COP1: variants seen among roughly 807,000 people sequenced by gnomAD.
The protein encoded by COP1 is E3 ubiquitin-protein ligase COP1.
In COP1, 24 loss-of-function variants were observed where a neutral mutation model predicts 101.3. The observed-to-expected ratio is 0.24, with a 90% CI of 0.17 to 0.33. The LOEUF is 0.33. COP1 is among the 10% of genes least tolerant of loss of function. COP1 has a pLI of 1.00. For synonymous variants in COP1, 347 were observed against 341.9 expected, an observed-to-expected ratio of 1.01 and a Z score of -0.17; for missense variants, 663 against 906.2, an observed-to-expected ratio of 0.73 and a Z score of 3.45.
chr1:176,166,449 C>T (rs1017491585), intron 3 of COP1, among the ~76,000 whole-genome samples: 1 of 151,926 alleles, frequency 6.6e-6, no homozygotes, highest in African/African-American at 2.4e-5. Flanking sequence ...CTGTAAAGGC[C>T]ACAAAATTAA....
chr1:176,046,056 A>T, intron 12 of COP1, 125 bp downstream of exon 12: 1 of 725,984 alleles, frequency 1.4e-6, no homozygotes, highest in Non-Finnish European at 2.3e-6. Context: ...CTCTGTATAC[A>T]TAGTACAATA....
At chr1:176,194,501 GGT>G (rs1252678226) in intron 1 of COP1, among the ~76,000 whole-genome samples, 1 of 152,064 alleles carries the variant, frequency 6.6e-6, no homozygotes, top group Non-Finnish European at 1.5e-5. Context: ...AGCTGGGCAT[GGT>G]GGCATGAGCC....
At chr1:176,115,918 C>CTGTG (rs1686110150) in intron 9 of COP1, among the ~76,000 whole-genome samples, 1 of 152,112 alleles carries the variant, frequency 6.6e-6, no homozygotes, top group Non-Finnish European at 1.5e-5. Context: ...TTACTCAAGA[C>CTGTG]TGTGGTCTTT....
chr1:176,151,531 T>A (rs570400911), intron 5 of COP1, among the ~76,000 whole-genome samples: 1 of 152,232 alleles, frequency 6.6e-6, no homozygotes, highest in Admixed American at 6.5e-5. Flanking sequence ...GTATCTGCTA[T>A]GTGACATGAA....
At chr1:176,012,322 T>C (rs61822767) in intron 15 of COP1, among the ~76,000 whole-genome samples, 16,433 of 152,192 alleles carry the variant, frequency 0.11, 976 homozygotes, top group Middle Eastern at 0.16. Flanking sequence ...GCTGGGGGTT[T>C]CACCATGTGA....
intron 8 of COP1, among the ~76,000 whole-genome samples, chr1:176,118,246 G>C (rs1034403648): frequency 6.6e-6 from 1 of 152,086 alleles, no homozygotes; most frequent in African/African-American, 2.4e-5. Context: ...CCAAAATATG[G>C]TAAACATTCA....
intron 3 of COP1, among the ~76,000 whole-genome samples, chr1:176,170,013 T>G (rs1695799112): frequency 6.6e-6 from 1 of 152,244 alleles, no homozygotes; most frequent in Non-Finnish European, 1.5e-5. Context: ...AGAAACCACT[T>G]TCTTTGTTCA....
chr1:176,191,695 CA>C (rs1316406399), intron 1 of COP1, among the ~76,000 whole-genome samples: 1 of 151,918 alleles, frequency 6.6e-6, no homozygotes, highest in Non-Finnish European at 1.5e-5. Flanking sequence ...GTCTATGTCC[CA>C]TCATCTCACT....
intron 18 of COP1, among the ~76,000 whole-genome samples, chr1:175,961,113 C>T (rs1297333771): frequency 1.3e-5 from 2 of 152,222 alleles, no homozygotes; most frequent in African/African-American, 2.4e-5. Flanking sequence ...AATGGGCCCT[C>T]AAATTCTCAG....
intron 8 of COP1, chr1:176,133,917 T>C: frequency 2.2e-6 from 1 of 450,798 alleles, no homozygotes; most frequent in Non-Finnish European, 4.5e-6. Flanking sequence ...GATAACAATA[T>C]ACACAGACCA....
intron 11 of COP1, among the ~76,000 whole-genome samples, chr1:176,048,959 T>C (rs993271036): frequency 6.7e-6 from 1 of 149,798 alleles, no homozygotes. Context: ...GATCATGAGG[T>C]CAGGAGATCG....
chr1:176,117,051 A>G (rs1003108417), intron 8 of COP1, among the ~76,000 whole-genome samples: 1 of 152,212 alleles, frequency 6.6e-6, no homozygotes, highest in African/African-American at 2.4e-5. Context: ...GCATGCAATC[A>G]AAATCTATGG....
At chr1:176,113,879 G>T (rs1055201665) in intron 9 of COP1, among the ~76,000 whole-genome samples, 3 of 151,318 alleles carry the variant, frequency 2.0e-5, no homozygotes, top group African/African-American at 7.3e-5. Flanking sequence ...GAGCACAGAA[G>T]ACTACAGGGA....
At chr1:176,178,735 T>G (rs997736794) in intron 2 of COP1, among the ~76,000 whole-genome samples, 1 of 151,720 alleles carries the variant, frequency 6.6e-6, no homozygotes, top group African/African-American at 2.4e-5. Flanking sequence ...CACCTGTAAT[T>G]CCGGCTACTC....
chr1:176,046,043 A>T, intron 12 of COP1, 138 bp downstream of exon 12: 1 of 588,054 alleles, frequency 1.7e-6, no homozygotes, highest in South Asian at 3.2e-5. Flanking sequence ...GTAATAATAT[A>T]TACTCTGTAT....
At chr1:176,098,029 TAC>T (rs1315663730) in intron 9 of COP1, among the ~76,000 whole-genome samples, 7 of 152,160 alleles carry the variant, frequency 4.6e-5, no homozygotes, top group Non-Finnish European at 1.5e-5. Flanking sequence ...ATTGGTAAAA[TAC>T]AGATGTCATC....
chr1:175,990,231 A>G (rs2148752229), intron 15 of COP1, among the ~76,000 whole-genome samples: 1 of 152,236 alleles, frequency 6.6e-6, no homozygotes, highest in Non-Finnish European at 1.5e-5. Context: ...TGTGTCATGT[A>G]ATTTCCAAAT....
intron 3 of COP1, among the ~76,000 whole-genome samples, chr1:176,175,635 T>C (rs1696825753): frequency 6.6e-6 from 1 of 152,184 alleles, no homozygotes; most frequent in South Asian, 2.1e-4. Flanking sequence ...GCCCAGTTCC[T>C]AATAGGCCAC....
At chr1:176,072,595 A>T (rs1006315375) in intron 11 of COP1, among the ~76,000 whole-genome samples, 5 of 152,216 alleles carry the variant, frequency 3.3e-5, no homozygotes, top group African/African-American at 9.6e-5. Context: ...CAGTCTTAAA[A>T]ATCATATCCA....
Sources: gnomAD v4.1 joint callset for allele counts (sites outside exome capture counted in the v4.1 genomes callset) on GRCh38, gnomAD v4.1.1 for gene constraint, MANE v1.5 for transcripts, NCBI Gene and HGNC (gene_info 2026-07-23, HGNC 2026-07-21) for gene names.